Variants in FAM114A1 observed in about 807,000 individuals in gnomAD.
FAM114A1 encodes the protein protein NOXP20.
A neutral mutation model predicts 64.3 loss-of-function variants in FAM114A1; 62 were observed. That is an observed-to-expected ratio of 0.96 (90% CI 0.79 to 1.19). The LOEUF (loss-of-function observed/expected upper bound fraction) is 1.19, where lower values mean the gene tolerates loss of function less well. Among genes scored for constraint, FAM114A1 ranks in the 50% most tolerant of loss-of-function variants. FAM114A1 has a pLI of 0.00. For missense variants in FAM114A1, 645 were observed against 676.3 expected (o/e 0.95, Z 0.51); for synonymous variants, 254 against 251.1 (o/e 1.01, Z -0.11).
chr4:38,943,818 T>C lies in FAM114A1; in HGVS notation c.*261T>C. ...AGCTTATATTGAAAATTTCCTTTCATCTGAAATTTATTTACAAATATTCGT... is the reference window on the plus strand; with the variant it reads ...AGCTTATATTGAAAATTTCCTTTCACCTGAAATTTATTTACAAATATTCGT... On this transcript the variant is annotated 3_prime_UTR_variant, in exon 15 of 15. Coordinates refer to ENST00000358869, the MANE Select transcript of FAM114A1 (RefSeq NM_138389.4). 3.2e-6 allele frequency: 1 copy of C among 315,764 alleles called. No homozygotes were observed. The highest frequency in any genetic ancestry group is 6.0e-6 in the Non-Finnish European group (1 of 166,066). The allele number at this position is 315,764 out of a possible 1,614,324, so 19.6% of individuals were successfully genotyped here. A position where few individuals can be genotyped will look rare whatever the true frequency, so the allele number is the denominator to read the frequency against.
chr4:38,910,740 G>C (rs556600594), intron 7 of FAM114A1, among the ~76,000 whole-genome samples: 1 of 152,274 alleles, frequency 6.6e-6, no homozygotes, highest in Non-Finnish European at 1.5e-5. Flanking sequence ...CAGGCCAAGG[G>C]AGAACTCACG....
intron 13 of FAM114A1, among the ~76,000 whole-genome samples, chr4:38,940,533 G>A (rs1351546329): frequency 6.6e-6 from 1 of 152,086 alleles, no homozygotes; most frequent in Non-Finnish European, 1.5e-5. Flanking sequence ...TAAAATAAAA[G>A]TGCCAAAATA....
Position 38,886,172 on chromosome 4 carries a change from C to CT in FAM114A1, c.349-5554dup, listed in dbSNP as rs36090599. Among the ~76,000 whole-genome samples the CT allele has an allele frequency of 4.7e-3, 639 of 137,406 alleles. 5 individuals are homozygous for CT. Among genetic ancestry groups the CT allele is most frequent in the South Asian group, 0.01 (44 of 4,318 alleles). 90.1% of individuals were successfully genotyped at this position (137,406 alleles called of 152,430 possible). On this transcript the variant is annotated intron_variant, in intron 3 of 14. Transcript: ENST00000358869. ...GGAGGTGAATACAGAAGATAAGCAC[C>CT]TTTTTTTTTTTTTTTTTGAGACAGA...
At chr4:38,929,175 G>T in intron 9 of FAM114A1, 67 bp from the exon 10 acceptor site, 1 of 1,264,000 alleles carries the variant, frequency 7.9e-7, no homozygotes, top group East Asian at 2.3e-5. Context: ...CTGTAATGTT[G>T]GGGGAGCTGC....
At chr4:38,921,012 C>A (rs10019327) in intron 8 of FAM114A1, among the ~76,000 whole-genome samples, 3,314 of 152,304 alleles carry the variant, frequency 0.022, 117 homozygotes, top group African/African-American at 0.075. Flanking sequence ...CCTGGTATCC[C>A]AGATGCCCTC....
At chr4:38,869,356 G>A (rs1216548883) in intron 2 of FAM114A1, among the ~76,000 whole-genome samples, 1 of 152,168 alleles carries the variant, frequency 6.6e-6, no homozygotes, top group Non-Finnish European at 1.5e-5. Context: ...CCAGGCAGCT[G>A]GAGGAAGGGC....
At chr4:38,918,043 C>T (rs543314160) in intron 8 of FAM114A1, among the ~76,000 whole-genome samples, 2 of 151,698 alleles carry the variant, frequency 1.3e-5, no homozygotes, top group Admixed American at 1.3e-4. Context: ...ATGATGAAAC[C>T]CCGTCTCTAC....
chr4:38,933,620 A>G (rs1359433868), intron 12 of FAM114A1, among the ~76,000 whole-genome samples: 2 of 152,378 alleles, frequency 1.3e-5, no homozygotes, highest in East Asian at 3.8e-4. Context: ...TCTAGTGAAT[A>G]TACATGAAAA....
rs749204163 is a variant in FAM114A1, at chr4:38,944,068, CT to C, written c.*530del. ...TAAAAAATAGGAACATATTGTCATT[CT>C]TTTTTTTTTTTTTTTTTTGAGACAG... On this transcript the variant is annotated 3_prime_UTR_variant, in exon 15 of 15. Coordinates refer to ENST00000358869, the MANE Select transcript of FAM114A1 (RefSeq NM_138389.4). The C allele has an allele frequency of 9.4e-3, 1,150 of 122,148 alleles. 8 individuals are homozygous for C. Among genetic ancestry groups the C allele is most frequent in the South Asian group, 0.043 (163 of 3,814 alleles). The allele number at this position is 122,148 out of a possible 1,614,324, so 7.6% of individuals were successfully genotyped here.
At chr4:38,943,362 G>A (rs993311743) in intron 14 of FAM114A1, 94 bp from the exon 15 acceptor site, 4 of 1,020,864 alleles carry the variant, frequency 3.9e-6, no homozygotes, top group East Asian at 4.9e-5. Context: ...AATATGGGGG[G>A]TGGGTTGAAG....
intron 4 of FAM114A1, among the ~76,000 whole-genome samples, chr4:38,896,810 C>A (rs1716985919): frequency 6.6e-6 from 1 of 152,156 alleles, no homozygotes; most frequent in Non-Finnish European, 1.5e-5. Flanking sequence ...CAGTAGTAGA[C>A]AAGCTTTGAA....
intron 3 of FAM114A1, among the ~76,000 whole-genome samples, chr4:38,885,018 A>G (rs1161152474): frequency 6.6e-6 from 1 of 152,220 alleles, no homozygotes; most frequent in Non-Finnish European, 1.5e-5. Flanking sequence ...CTCTATCGCC[A>G]GGCTGGAGTG....
chr4:38,876,779 T>A (rs949519780), intron 2 of FAM114A1, among the ~76,000 whole-genome samples: 1 of 152,106 alleles, frequency 6.6e-6, no homozygotes, highest in Non-Finnish European at 1.5e-5. Flanking sequence ...CCTTCTAGAG[T>A]CTTTGAGGGG....
In FAM114A1 at chr4:38,929,340, A is replaced by T; in HGVS notation, c.1161+7A>T. 1 of 1,602,942 alleles carries T rather than the reference A, an allele frequency of 6.2e-7. No homozygotes were observed. Among genetic ancestry groups the T allele is most frequent in the Middle Eastern group, 1.7e-4 (1 of 6,026 alleles). On this transcript the variant is annotated splice_region_variant and intron_variant, in intron 10 of 14. Coordinates refer to ENST00000358869, the MANE Select transcript of FAM114A1 (RefSeq NM_138389.4). ...ACCTGACAAACTCAATAAGGTCAGC[A>T]CTGTCTGATTTATAGTTTCTGGTTA...
At position 38,906,338 on chromosome 4, in the gene FAM114A1, T is replaced by TC. The variant is rs150546299; in HGVS notation, c.657+480dup. ...TCCAGAGACCAGCGTTCTTCCCCCA[T>TC]CCCTACCTCTTCATTCCCACCCTTC... On this transcript the variant is annotated intron_variant, in intron 6 of 14. Coordinates refer to ENST00000358869, the MANE Select transcript of FAM114A1 (RefSeq NM_138389.4). Among the ~76,000 whole-genome samples, 976 of 152,162 alleles carry TC rather than the reference T, an allele frequency of 6.4e-3. 5 individuals carry two copies. Among genetic ancestry groups the TC allele is most frequent in the African/African-American group, 0.022 (918 of 41,520 alleles).
intron 7 of FAM114A1, among the ~76,000 whole-genome samples, chr4:38,910,499 G>T (rs947126686): frequency 6.6e-6 from 1 of 152,168 alleles, no homozygotes; most frequent in African/African-American, 2.4e-5. Flanking sequence ...CTCACAGAGA[G>T]GGGATGTGGA....
chr4:38,935,643 T>A, intron 12 of FAM114A1, 75 bp from the exon 13 acceptor site: 1 of 1,015,984 alleles, frequency 9.8e-7, no homozygotes, highest in African/African-American at 1.6e-5. Context: ...TGAATTAGTA[T>A]CAGAAATGGT....
At chr4:38,916,172 G>T (rs1331801535) in intron 8 of FAM114A1, among the ~76,000 whole-genome samples, 1 of 152,186 alleles carries the variant, frequency 6.6e-6, no homozygotes, top group East Asian at 1.9e-4. Flanking sequence ...AACCAAATAG[G>T]ATGGAGACAT....
At chr4:38,876,671 G>A (rs568226888) in intron 2 of FAM114A1, among the ~76,000 whole-genome samples, 47 of 152,312 alleles carry the variant, frequency 3.1e-4, no homozygotes, top group African/African-American at 1.0e-3. Flanking sequence ...CTAACTTCAC[G>A]GCTTTTGCCA....
Sources: allele counts gnomAD v4.1 joint callset (sites outside exome capture counted in the v4.1 genomes callset), GRCh38; gene constraint gnomAD v4.1.1; transcripts MANE v1.5; gene names NCBI Gene and HGNC (gene_info 2026-07-23, HGNC 2026-07-21).